Variants in MSI1 observed in about 807,000 individuals in gnomAD.
MSI1 encodes the protein RNA-binding protein Musashi homolog 1.
In MSI1, 15 loss-of-function variants were observed where a neutral mutation model predicts 54.4. The observed-to-expected ratio is 0.28, with a 90% CI of 0.18 to 0.42. MSI1 has a LOEUF of 0.42. MSI1 is among the 20% of genes least tolerant of loss of function. The pLI is 1.00. For missense variants in MSI1, 304 were observed against 506.0 expected, an observed-to-expected ratio of 0.60 and a Z score of 3.83; for synonymous variants, 200 against 196.5, an observed-to-expected ratio of 1.02 and a Z score of -0.15.
chr12:120,350,379 C>A (rs555902120), intron 11 of MSI1, among the ~76,000 whole-genome samples: 1 of 152,118 alleles, frequency 6.6e-6, no homozygotes, highest in Non-Finnish European at 1.5e-5. Flanking sequence ...TCCACCCTGA[C>A]AACTAGTGGC....
intron 5 of MSI1, 122 bp from the exon 6 acceptor site, chr12:120,363,257 A>C: frequency 4.5e-6 from 3 of 665,144 alleles, no homozygotes; most frequent in Non-Finnish European, 7.3e-6. Context: ...CAGCCTCTTT[A>C]AAGGCCCCCC....
Position 120,368,359 on chromosome 12 carries a change from G to C in MSI1, c.101-86C>G. On this transcript the variant is annotated intron_variant, in intron 2 of 14. Transcript: ENST00000257552. The surrounding 1 kb of genome is among the most constrained non-coding windows in gnomAD (Gnocchi z 6.6). Reference sequence around the variant, plus strand: ...CCTTTGCCCCCGGTGACCCCGGAGCGGCCCGGCCGCCCCCGCGCCAAGCTG... The same window carrying C: ...CCTTTGCCCCCGGTGACCCCGGAGCCGCCCGGCCGCCCCCGCGCCAAGCTG... 7.2e-7 allele frequency: 1 copy of C among 1,387,348 alleles called. No individual in the cohort carries two copies. Among genetic ancestry groups the C allele is most frequent in the Non-Finnish European group, 9.6e-7 (1 of 1,041,918 alleles). 85.9% of individuals were successfully genotyped at this position (1,387,348 alleles called of 1,614,324 possible). A position where few individuals can be genotyped will look rare whatever the true frequency, so the allele number is the denominator to read the frequency against.
chr12:120,345,467 T>C, intron 14 of MSI1, 103 bp downstream of exon 14: 1 of 985,440 alleles, frequency 1.0e-6, no homozygotes, highest in Non-Finnish European at 1.6e-6. Context: ...CCCCTGGGAC[T>C]GTGGTTCTTG....
rs1422129432 is a variant in MSI1, at chr12:120,341,687, G to GC, written c.*1439dup. Reference sequence around the variant, plus strand: ...AAAAACCCAAAACACGAACAGCCGCGCATCTCAGTAACAAAGATTATTGCT... The same window carrying GC: ...AAAAACCCAAAACACGAACAGCCGCGCCATCTCAGTAACAAAGATTATTGCT... On this transcript the variant is annotated 3_prime_UTR_variant, in exon 15 of 15. Coordinates refer to ENST00000257552, the MANE Select transcript of MSI1 (RefSeq NM_002442.4). 1 of 151,746 alleles carries GC rather than the reference G, an allele frequency of 6.6e-6. No individual in the cohort carries two copies. The highest frequency in any genetic ancestry group is 1.5e-5 in the Non-Finnish European group (1 of 67,864). The allele number at this position is 151,746 out of a possible 1,614,324, so 9.4% of individuals were successfully genotyped here.
rs562790245 is a variant in MSI1, at chr12:120,368,325, C to G, written c.101-52G>C. 7.5e-5 allele frequency: 110 copies of G among 1,457,550 alleles called. 1 individual carries two copies. Among genetic ancestry groups the G allele is most frequent in the Middle Eastern group, 1.9e-4 (1 of 5,160 alleles). The allele number at this position is 1,457,550 out of a possible 1,614,324, so 90.3% of individuals were successfully genotyped here. On this transcript the variant is annotated intron_variant, in intron 2 of 14. Transcript: ENST00000257552. The surrounding 1 kb of genome is among the most constrained non-coding windows in gnomAD (Gnocchi z 6.6). ...CAGCCCGGGCCCCGCGCCCTTCCCC[C>G]CCCCCCGTCCTTTGCCCCCGGTGAC...
In MSI1 at chr12:120,350,243, T is replaced by G. The variant is rs542305402; in HGVS notation, c.790+1101A>C. ...GGTTTCACCATGTTGCCCAGGCTAGTCTTGAACTTCTGGCCTCAAGGGATA... is the reference window on the plus strand; with the variant it reads ...GGTTTCACCATGTTGCCCAGGCTAGGCTTGAACTTCTGGCCTCAAGGGATA... On this transcript the variant is annotated intron_variant, in intron 11 of 14. Coordinates refer to ENST00000257552, the MANE Select transcript of MSI1 (RefSeq NM_002442.4). Among the ~76,000 whole-genome samples, 126 of 152,330 alleles carry G rather than the reference T, an allele frequency of 8.3e-4. 2 individuals are homozygous for G. The highest frequency in any genetic ancestry group is 2.7e-3 in the African/African-American group (114 of 41,566).
At chr12:120,364,685 G>A (rs768733670) in intron 5 of MSI1, 29 bp downstream of exon 5, 1 of 1,567,650 alleles carries the variant, frequency 6.4e-7, no homozygotes, top group Admixed American at 1.9e-5. Context: ...CATAGTAAGA[G>A]AGCTCCTCCC....
chr12:120,350,098 C>T lies in MSI1; in HGVS notation c.790+1246G>A, dbSNP rs374441856. On this transcript the variant is annotated intron_variant, in intron 11 of 14. Transcript: ENST00000257552. Reference sequence around the variant, plus strand: ...GTGCAGTGATGCAATCATGGCTCACCGCAGCCTTCACCTCTTGGGCTCAAA... The same window carrying T: ...GTGCAGTGATGCAATCATGGCTCACTGCAGCCTTCACCTCTTGGGCTCAAA... Among the ~76,000 whole-genome samples the T allele has an allele frequency of 7.9e-5, 12 of 152,084 alleles. No homozygotes were observed. In the East Asian group the frequency reaches 1.3e-3, roughly 17 times the overall value.
chr12:120,361,583 G>C (rs1474237946), intron 6 of MSI1: 1 of 149,318 alleles, frequency 6.7e-6, no homozygotes, highest in Non-Finnish European at 1.5e-5. Flanking sequence ...GGGCAGGGGG[G>C]ATCGGGCGGG....
intron 12 of MSI1, 38 bp downstream of exon 12, chr12:120,347,408 C>T (rs1363394133): frequency 6.2e-7 from 1 of 1,612,124 alleles, no homozygotes; most frequent in African/African-American, 1.3e-5. Context: ...GCTCCCTGTG[C>T]TCCCTCATCT....
At chr12:120,361,239 G>A (rs1875607033) in intron 6 of MSI1, among the ~76,000 whole-genome samples, 1 of 150,300 alleles carries the variant, frequency 6.7e-6, no homozygotes, top group Non-Finnish European at 1.5e-5. Flanking sequence ...ATGAATGAAT[G>A]AACGAACCAG....
chr12:120,368,783 G>A lies in MSI1; in HGVS notation c.100+50C>T. 5 of 1,373,528 alleles carry A rather than the reference G, an allele frequency of 3.6e-6. No homozygotes were observed. The highest frequency in any genetic ancestry group is 3.8e-6 in the Non-Finnish European group (4 of 1,046,464). 85.1% of individuals were successfully genotyped at this position (1,373,528 alleles called of 1,614,324 possible). A position where few individuals can be genotyped will look rare whatever the true frequency, so the allele number is the denominator to read the frequency against. On this transcript the variant is annotated intron_variant, in intron 2 of 14. Transcript: ENST00000257552. This position sits in a 1 kb window ranked among gnomAD's most constrained non-coding sequence, Gnocchi z 6.6. ...GGGGTGTCCGGGTCCGGGGCGCCGG[G>A]GGGTCCGGGGTGCCCTGCCGGACCG...
At chr12:120,362,220 G>C (rs1376752344) in intron 6 of MSI1, among the ~76,000 whole-genome samples, 1 of 152,038 alleles carries the variant, frequency 6.6e-6, no homozygotes, top group African/African-American at 2.4e-5. Flanking sequence ...TTGCCTGGGG[G>C]TGACTCGAAG....
chr12:120,355,030 CAAAAAAAAA>C (rs71076610), intron 9 of MSI1, among the ~76,000 whole-genome samples: 2 of 44,116 alleles, frequency 4.5e-5, no homozygotes, highest in African/African-American at 1.0e-4. Context: ...CCGTCTCTAC[CAAAAAAAAA>C]AAAAAAAAAA....
At position 120,342,491 on chromosome 12, in the gene MSI1, C is replaced by A. The variant is rs1258669738; in HGVS notation, c.*636G>T. 1.3e-5 allele frequency: 2 copies of A among 152,468 alleles called. No individual in the cohort carries two copies. The highest frequency in any genetic ancestry group is 2.9e-5 in the Non-Finnish European group (2 of 68,024). The allele number at this position is 152,468 out of a possible 1,614,324, so 9.4% of individuals were successfully genotyped here. ...CCAGGGGCTCGGCCTGGCCTCCCCG[C>A]AGCCCTGCCCTCCTCTCCAGGGCTG... On this transcript the variant is annotated 3_prime_UTR_variant, in exon 15 of 15. Transcript: ENST00000257552.
intron 11 of MSI1, among the ~76,000 whole-genome samples, chr12:120,350,826 AG>A (rs1252444593): frequency 6.6e-6 from 1 of 152,240 alleles, no homozygotes; most frequent in Non-Finnish European, 1.5e-5. Context: ...TTAAACATTT[AG>A]AATCTGTTGC....
intron 9 of MSI1, among the ~76,000 whole-genome samples, chr12:120,354,855 T>G (rs919581892): frequency 2.0e-5 from 3 of 152,124 alleles, no homozygotes; most frequent in Admixed American, 6.5e-5. Context: ...TACCTGATTC[T>G]AGCCTGGATC....
intron 6 of MSI1, among the ~76,000 whole-genome samples, chr12:120,359,311 G>T (rs1313144148): frequency 6.6e-6 from 1 of 152,186 alleles, no homozygotes; most frequent in Admixed American, 6.5e-5. Flanking sequence ...GATCCCCATG[G>T]TGTAGATAAG....
At chr12:120,345,478 A>G in intron 14 of MSI1, 92 bp downstream of exon 14, 2 of 1,140,514 alleles carry the variant, frequency 1.8e-6, no homozygotes, top group Non-Finnish European at 2.6e-6. Flanking sequence ...GTGGTTCTTG[A>G]GGGCAGGGAT....
Sources: gnomAD v4.1 joint callset for allele counts (sites outside exome capture counted in the v4.1 genomes callset) on GRCh38, gnomAD v4.1.1 for gene constraint, Gnocchi (gnomAD v3.1) non-coding constraint, MANE v1.5 for transcripts, NCBI Gene and HGNC (gene_info 2026-07-23, HGNC 2026-07-21) for gene names.